COL11A1: variants seen among roughly 807,000 people sequenced by gnomAD.
COL11A1 encodes the protein collagen type XI alpha 1 chain.
In COL11A1, 74 loss-of-function variants were observed where a neutral mutation model predicts 265.2. That is an observed-to-expected ratio of 0.28 (90% CI 0.23 to 0.34). The LOEUF is 0.34. COL11A1 is among the 10% of genes least tolerant of loss of function. The pLI, the probability that COL11A1 is intolerant of heterozygous loss-of-function variation, is 1.00. For synonymous variants in COL11A1, 816 were observed against 727.6 expected (o/e 1.12, Z -1.96); for missense variants, 2,165 against 2,263.6 (o/e 0.96, Z 0.88).
Position 102,958,319 on chromosome 1 carries a change from C to CT in COL11A1, c.3168+3546dup, listed in dbSNP as rs528892181. ...TTTAAAGAAATCCCTACTCCTGATT[C>CT]TTTTTTTTTTCAATATTAATTGCAA... On this transcript the variant is annotated intron_variant, in intron 41 of 66. Transcript: ENST00000370096. 7.5e-4 allele frequency among the ~76,000 whole-genome samples: 112 copies of CT among 148,498 alleles called. 1 individual carries two copies. Among genetic ancestry groups the CT allele is most frequent in the Middle Eastern group, 3.5e-3 (1 of 284 alleles).
intron 4 of COL11A1, among the ~76,000 whole-genome samples, chr1:103,046,046 C>A (rs1173678984): frequency 6.6e-6 from 1 of 151,338 alleles, no homozygotes; most frequent in African/African-American, 2.4e-5. Flanking sequence ...GGTTCCAAGT[C>A]TTTGCTATTT....
chr1:103,038,424 C>A (rs772777886), intron 4 of COL11A1, among the ~76,000 whole-genome samples: 42 of 152,060 alleles, frequency 2.8e-4, no homozygotes, highest in Non-Finnish European at 5.7e-4. Context: ...AAGATCGCGC[C>A]ACTGCCACTG....
intron 41 of COL11A1, among the ~76,000 whole-genome samples, chr1:102,955,363 C>A (rs1195799239): frequency 1.3e-5 from 2 of 152,028 alleles, no homozygotes; most frequent in Non-Finnish European, 2.9e-5. Context: ...AAGTCAGAAT[C>A]ATGGGGGGAT....
intron 57 of COL11A1, among the ~76,000 whole-genome samples, chr1:102,897,319 G>A (rs1010179465): frequency 6.6e-6 from 1 of 151,714 alleles, no homozygotes; most frequent in Non-Finnish European, 1.5e-5. Context: ...CCATATAGCA[G>A]GACTTAACTA....
chr1:103,101,671 T>C (rs1247500642), intron 1 of COL11A1, among the ~76,000 whole-genome samples: 2 of 151,972 alleles, frequency 1.3e-5, no homozygotes, highest in Non-Finnish European at 2.9e-5. Flanking sequence ...GGAGCTTCAT[T>C]TGCCTGTACA....
At chr1:103,060,424 A>G (rs1369219992) in intron 4 of COL11A1, among the ~76,000 whole-genome samples, 1 of 152,146 alleles carries the variant, frequency 6.6e-6, no homozygotes, top group African/African-American at 2.4e-5. Flanking sequence ...TCAGAGAATG[A>G]ATAAGTGAAG....
Position 102,969,427 on chromosome 1 carries a change from A to C in COL11A1, c.2862+792T>G, listed in dbSNP as rs1042320360. ...GGTTTCCTTGAGAAGTCTGGATAAA[A>C]GTAATCATTGGTGAGAAGCAAGAAT... On this transcript the variant is annotated intron_variant, in intron 37 of 66. Transcript: ENST00000370096. Among the ~76,000 whole-genome samples, 10 of 152,344 alleles carry C rather than the reference A, an allele frequency of 6.6e-5. No individual in the cohort carries two copies. The South Asian group carries it at 2.1e-3, about 32-fold the overall frequency.
At chr1:103,015,976 G>T (rs1380748328) in intron 11 of COL11A1, among the ~76,000 whole-genome samples, 1 of 151,838 alleles carries the variant, frequency 6.6e-6, no homozygotes, top group African/African-American at 2.4e-5. Context: ...TATAAATTTT[G>T]CTCAAACTTT....
intron 38 of COL11A1, among the ~76,000 whole-genome samples, chr1:102,963,462 T>G (rs1193852952): frequency 2.0e-5 from 3 of 152,146 alleles, no homozygotes; most frequent in African/African-American, 7.2e-5. Context: ...TGCTTGAGTA[T>G]AGCAGGCTTT....
intron 54 of COL11A1, among the ~76,000 whole-genome samples, chr1:102,906,245 TC>T (rs1329610794): frequency 4.6e-5 from 7 of 152,298 alleles, no homozygotes; most frequent in African/African-American, 1.7e-4. Flanking sequence ...AATTAACTTA[TC>T]CCAAGTCACA....
At position 103,006,117 on chromosome 1, in the gene COL11A1, C is replaced by A. The variant is rs769449348; in HGVS notation, c.1742G>T (p.Arg581Leu). Reference protein sequence around the residue: ...GPTGKPGKRGRPGADGGRGMP... With the variant: ...GPTGKPGKRGLPGADGGRGMP... ...TCCTCTTCCTCCATCTGCACCTGGACGACCCTAATAATGCCAACAGCATGA... is the reference window on the plus strand; with the variant it reads ...TCCTCTTCCTCCATCTGCACCTGGAAGACCCTAATAATGCCAACAGCATGA... The change falls in exon 17 of 67, where the codon CGT becomes CTT. Residue 581 changes from arginine (R) to leucine (L), a missense_variant. Coordinates refer to ENST00000370096, the MANE Select transcript of COL11A1 (RefSeq NM_001854.4). 6.2e-7 allele frequency: 1 copy of A among 1,613,376 alleles called. No homozygotes were observed. Among genetic ancestry groups the A allele is most frequent in the African/African-American group, 1.3e-5 (1 of 74,820 alleles).
rs1553234339 is a variant in COL11A1 at position 103,012,412 on chromosome 1, C to T, written c.1629+1G>A. The T allele has an allele frequency of 6.2e-7, 1 of 1,612,768 alleles. No homozygotes were observed. The highest frequency in any genetic ancestry group is 8.5e-7 in the Non-Finnish European group (1 of 1,178,952). On this transcript the variant is annotated splice_donor_variant, in intron 14 of 66. Coordinates refer to ENST00000370096, the MANE Select transcript of COL11A1 (RefSeq NM_001854.4). LOFTEE classifies it high-confidence loss of function. ...ATATTATCTTTGTTGGGGTAACCTA[C>T]CACAGGACCTGGTCTTCCAGTTAGA...
chr1:103,086,468 G>A (rs756027753), intron 1 of COL11A1, among the ~76,000 whole-genome samples: 1 of 152,170 alleles, frequency 6.6e-6, no homozygotes, highest in Non-Finnish European at 1.5e-5. Flanking sequence ...CCAGGCTGGA[G>A]TGCAGTGGCG....
chr1:102,992,402 A>G lies in COL11A1; in HGVS notation c.2341-2831T>C, dbSNP rs1664226145. ...ACAAATCTAAGGCTAAAAAAGAGAGAATTTTAGTCATAATTAGAGTACTAA... is the reference window on the plus strand; with the variant it reads ...ACAAATCTAAGGCTAAAAAAGAGAGGATTTTAGTCATAATTAGAGTACTAA... On this transcript the variant is annotated intron_variant, in intron 28 of 66. Transcript: ENST00000370096. 3.3e-5 allele frequency among the ~76,000 whole-genome samples: 5 copies of G among 152,066 alleles called. No homozygotes were observed. In the South Asian group the frequency reaches 1.0e-3, roughly 31 times the overall value.
rs1251163211 is a variant in COL11A1 at position 103,002,661 on chromosome 1, C to A, written c.2043+86G>T. 9.6e-6 allele frequency: 12 copies of A among 1,248,808 alleles called. No individual in the cohort carries two copies. In the South Asian group the frequency reaches 1.2e-4, roughly 13 times the overall value. 77.4% of individuals were successfully genotyped at this position (1,248,808 alleles called of 1,614,324 possible). ...ATATACTTAGCAAAATGTAATAAAT[C>A]ATTATATTTTAGATTTAACAACAAA... is the stretch of plus-strand genomic sequence containing the variant. On this transcript the variant is annotated intron_variant, in intron 22 of 66. Coordinates refer to ENST00000370096, the MANE Select transcript of COL11A1 (RefSeq NM_001854.4).
intron 31 of COL11A1, among the ~76,000 whole-genome samples, chr1:102,981,619 A>G (rs1319793365): frequency 2.0e-5 from 3 of 152,026 alleles, no homozygotes; most frequent in Admixed American, 1.3e-4. Context: ...TTTGCTTCCC[A>G]TATAAGGAAT....
chr1:102,963,622 T>C (rs1196813060), intron 38 of COL11A1, among the ~76,000 whole-genome samples: 1 of 152,138 alleles, frequency 6.6e-6, no homozygotes. Flanking sequence ...AGTATAAATA[T>C]TTTTTTCCTA....
At chr1:102,883,818 A>G (rs1650584417) in intron 63 of COL11A1, among the ~76,000 whole-genome samples, 1 of 152,122 alleles carries the variant, frequency 6.6e-6, no homozygotes, top group African/African-American at 2.4e-5. Context: ...TAAAAAAAAA[A>G]AACTTCTTGC....
At chr1:102,934,339 C>T in intron 46 of COL11A1, 110 bp downstream of exon 46, 1 of 730,716 alleles carries the variant, frequency 1.4e-6, no homozygotes, top group Non-Finnish European at 2.4e-6. Context: ...ACATTGTACC[C>T]AAGTTCTTAC....
Sources: allele counts gnomAD v4.1 joint callset (sites outside exome capture counted in the v4.1 genomes callset), GRCh38; gene constraint gnomAD v4.1.1; transcripts MANE v1.5; gene names NCBI Gene and HGNC (gene_info 2026-07-23, HGNC 2026-07-21).